POLE: variants seen among roughly 807,000 people sequenced by gnomAD.
POLE encodes the protein DNA polymerase epsilon catalytic subunit A.
A neutral mutation model predicts 279.2 loss-of-function variants in POLE; 188 were observed. That is an observed-to-expected ratio of 0.67 (90% CI 0.60 to 0.76). POLE has a LOEUF of 0.76. Among genes scored for constraint, POLE ranks in the 30% least tolerant of loss-of-function variants. POLE has a pLI of 0.00. For missense variants in POLE, 2,703 were observed against 3,016.7 expected, an observed-to-expected ratio of 0.90 and a Z score of 2.44; for synonymous variants, 1,214 against 1,172.5, an observed-to-expected ratio of 1.04 and a Z score of -0.72.
At chr12:132,648,866 A>G in intron 32 of POLE, 63 bp downstream of exon 32, 1 of 1,547,652 alleles carries the variant, frequency 6.5e-7, no homozygotes, top group Non-Finnish European at 8.8e-7. Flanking sequence ...GCCAGGCTAG[A>G]TCATGGGAAA....
chr12:132,680,367 G>T, intron 3 of POLE, 145 bp from the exon 4 acceptor site: 1 of 769,678 alleles, frequency 1.3e-6, no homozygotes, highest in Non-Finnish European at 2.2e-6. Flanking sequence ...AAGTCAGAAT[G>T]CGCACTTTTC....
intron 33 of POLE, 126 bp from the exon 34 acceptor site, chr12:132,643,686 T>C (rs2042208908): frequency 1.4e-6 from 2 of 1,480,796 alleles, no homozygotes; most frequent in Admixed American, 1.8e-5. Flanking sequence ...AAGGCCACTT[T>C]TGGCAGACAC....
Position 132,682,065 on chromosome 12 carries a change from G to A in POLE, c.63-786C>T, listed in dbSNP as rs1391395452. Among the ~76,000 whole-genome samples, 5 of 152,288 alleles carry A rather than the reference G, an allele frequency of 3.3e-5. No individual in the cohort carries two copies. The South Asian group carries it at 8.3e-4, about 25-fold the overall frequency. ...AATCCCAGCACCGTGGGAGGCCGAG[G>A]CGGGCGGATCACGAGGTGAGGAGAT... is the stretch of plus-strand genomic sequence containing the variant. On this transcript the variant is annotated intron_variant, in intron 1 of 48. Coordinates refer to ENST00000320574, the MANE Select transcript of POLE (RefSeq NM_006231.4).
In POLE at chr12:132,634,112, A is replaced by C; in HGVS notation, c.6004+74T>G. Reference sequence around the variant, plus strand: ...TCCCTGTCTCCCTTCTTGCGATACCATGGCACAGGAGCCACATCTACTAAC... The same window carrying C: ...TCCCTGTCTCCCTTCTTGCGATACCCTGGCACAGGAGCCACATCTACTAAC... On this transcript the variant is annotated intron_variant, in intron 43 of 48. Coordinates refer to ENST00000320574, the MANE Select transcript of POLE (RefSeq NM_006231.4). The surrounding 1 kb of genome is among the most constrained non-coding windows in gnomAD (Gnocchi z 4.0). The C allele has an allele frequency of 1.5e-6, 2 of 1,330,788 alleles. No homozygotes were observed. The highest frequency in any genetic ancestry group is 2.1e-6 in the Non-Finnish European group (2 of 956,212). The allele number at this position is 1,330,788 out of a possible 1,614,324, so 82.4% of individuals were successfully genotyped here. A position where few individuals can be genotyped will look rare whatever the true frequency, so the allele number is the denominator to read the frequency against.
intron 1 of POLE, among the ~76,000 whole-genome samples, chr12:132,682,118 C>T (rs1322421751): frequency 6.6e-6 from 1 of 151,988 alleles, no homozygotes; most frequent in African/African-American, 2.4e-5. Flanking sequence ...TACAGTGAAA[C>T]CCCGTCTTTA....
chr12:132,659,249 G>A (rs371730134), intron 26 of POLE, 46 bp downstream of exon 26: 114 of 1,586,940 alleles, frequency 7.2e-5, no homozygotes, highest in Admixed American at 3.2e-4. Context: ...TCACCTGTCC[G>A]TGATGGGAGG....
At position 132,675,918 on chromosome 12, in the gene POLE, G is replaced by A; in HGVS notation, c.1021-98C>T. 9.2e-7 allele frequency: 1 copy of A among 1,086,882 alleles called. No homozygotes were observed. The highest frequency in any genetic ancestry group is 2.4e-5 in the East Asian group (1 of 41,956). The allele number at this position is 1,086,882 out of a possible 1,614,324, so 67.3% of individuals were successfully genotyped here. On this transcript the variant is annotated intron_variant, in intron 10 of 48. Coordinates refer to ENST00000320574, the MANE Select transcript of POLE (RefSeq NM_006231.4). The surrounding 1 kb of genome is among the most constrained non-coding windows in gnomAD (Gnocchi z 4.3). ...GTTCAGAAGCAGCAGCCTCATGTTGGCCCTTATTCCTGCCCCGCCCCTCCG... is the reference window on the plus strand; with the variant it reads ...GTTCAGAAGCAGCAGCCTCATGTTGACCCTTATTCCTGCCCCGCCCCTCCG...
At position 132,681,344 on chromosome 12, in the gene POLE, T is replaced by C. The variant is rs868074900; in HGVS notation, c.63-65A>G. On this transcript the variant is annotated intron_variant, in intron 1 of 48. Coordinates refer to ENST00000320574, the MANE Select transcript of POLE (RefSeq NM_006231.4). ...CCACCTGCTGCTGCTTCTTTTTTTC[T>C]TTTTTTTCTTTTTTTTTGAGACGGA... 412 of 1,278,626 alleles carry C rather than the reference T, an allele frequency of 3.2e-4. 2 individuals are homozygous for C. In the Middle Eastern group the frequency reaches 5.8e-3, roughly 18 times the overall value. 79.2% of individuals were successfully genotyped at this position (1,278,626 alleles called of 1,614,324 possible). A position where few individuals can be genotyped will look rare whatever the true frequency, so the allele number is the denominator to read the frequency against.
At position 132,628,326 on chromosome 12, in the gene POLE, C is replaced by T. The variant is rs558857521; in HGVS notation, c.6331-2009G>A. Among the ~76,000 whole-genome samples, 16 of 149,776 alleles carry T rather than the reference C, an allele frequency of 1.1e-4. 1 individual carries two copies. The highest frequency in any genetic ancestry group is 2.4e-4 in the Non-Finnish European group (16 of 67,728). ...CTGCACTCCAGCCTGGGCGAGAGTG[C>T]GAGACTCCATCTTAAAAAAAAAACT... is the stretch of plus-strand genomic sequence containing the variant. On this transcript the variant is annotated intron_variant, in intron 45 of 48. Coordinates refer to ENST00000320574, the MANE Select transcript of POLE (RefSeq NM_006231.4).
rs1004476069 is a variant in POLE, at chr12:132,626,197, A to T, written c.6451T>A (p.Tyr2151Asn). 1.1e-5 allele frequency: 17 copies of T among 1,613,642 alleles called. No individual in the cohort carries two copies. Among genetic ancestry groups the T allele is most frequent in the Non-Finnish European group, 1.4e-5 (16 of 1,179,934 alleles). Residue 2151 changes from tyrosine (Y) to asparagine (N), a missense_variant, in exon 46 of 49, where the codon TAC becomes AAC. Physicochemically the swap from Tyr to Asn is moderately radical, Grantham distance 143. Around this residue, in one of 5 missense-constraint regions of POLE, gnomAD observed 1,551 missense variants for 1,686.1 expected, o/e 0.92. Transcript: ENST00000320574. ...EAQFRDPCRS[Y>N]VLPEVICRSC... ...CGGCAGATGACCTCAGGAAGCACGTAGGAGCGGCAGGGGTCTCGGAACTGG... is the reference window on the plus strand; with the variant it reads ...CGGCAGATGACCTCAGGAAGCACGTTGGAGCGGCAGGGGTCTCGGAACTGG...
rs1047375491 is a variant in POLE at position 132,676,723 on chromosome 12, C to G, written c.802-70G>C. On this transcript the variant is annotated intron_variant, in intron 8 of 48. Transcript: ENST00000320574. The stretch of plus-strand genomic sequence containing the variant: ...TTAGGCCTCCCTGAACACCCACCCC[C>G]AGCCTGCTCTACCTCCCTCTGGTTG... 12 of 940,280 alleles carry G rather than the reference C, an allele frequency of 1.3e-5. No homozygotes were observed. In the Admixed American group the frequency reaches 2.1e-4, roughly 16 times the overall value. The allele number at this position is 940,280 out of a possible 1,614,324, so 58.2% of individuals were successfully genotyped here. A position where few individuals can be genotyped will look rare whatever the true frequency, so the allele number is the denominator to read the frequency against.
rs149973644 is a variant in POLE at position 132,624,977 on chromosome 12, G to A, written c.6675C>T (p.Arg2225=). The change falls in exon 48 of 49, where the codon CGC becomes CGT. Residue 2225 remains arginine, a synonymous_variant. Transcript: ENST00000320574. ...CAGGCATGCTGGTCTCCTTCACCCC[G>A]CGGCACTTCAGGCAGACCTGAAAGG... ...TLQDLVCLKC[R]GVKETSMPVY... 3,387 of 1,613,792 alleles carry A rather than the reference G, an allele frequency of 2.1e-3. 6 individuals are homozygous for A. The highest frequency in any genetic ancestry group is 2.6e-3 in the Non-Finnish European group (3,084 of 1,179,886).
rs1593732744 is a variant in POLE at position 132,642,974 on chromosome 12, C to A, written c.4574G>T (p.Ser1525Ile). ...LDTVRSNQMP[S>I]LGALYSAEHG... ...CTCTGCTGAGTACAGGGCGCCAAGGCTGGGCATCTGGTTGCTGCGCACCTA... is the reference window on the plus strand; with the variant it reads ...CTCTGCTGAGTACAGGGCGCCAAGGATGGGCATCTGGTTGCTGCGCACCTA... Residue 1525 changes from serine to isoleucine, a missense_variant, in exon 36 of 49, where the codon AGC becomes ATC. Ser to Ile is a moderately radical substitution (Grantham distance 142, BLOSUM62 -2). Transcript: ENST00000320574. The A allele has an allele frequency of 6.3e-7, 1 of 1,594,462 alleles. No homozygotes were observed.
At position 132,679,635 on chromosome 12, in the gene POLE, C is replaced by T. The variant is rs377573501; in HGVS notation, c.440G>A (p.Gly147Asp). The change falls in exon 6 of 49, where the codon GGT becomes GAT. Residue 147 changes from glycine (G) to aspartate (D), a missense_variant. By Grantham distance (94) the Gly-to-Asp change is moderately conservative. Transcript: ENST00000320574. Reference protein sequence around the residue: ...EDLDLPNHLVGLKRNYIRLSF... With the variant: ...EDLDLPNHLVDLKRNYIRLSF... ...CAGCCTGATGTAATTTCGCTTCAAA[C>T]CCACCAAGTGATTTGGCTATAATGC... 6.2e-7 allele frequency: 1 copy of T among 1,610,788 alleles called. No individual in the cohort carries two copies. The highest frequency in any genetic ancestry group is 8.5e-7 in the Non-Finnish European group (1 of 1,177,238).
intron 29 of POLE, among the ~76,000 whole-genome samples, chr12:132,655,459 T>C (rs2138645262): frequency 6.6e-6 from 1 of 152,364 alleles, no homozygotes; most frequent in Non-Finnish European, 1.5e-5. Flanking sequence ...CAAGACTACA[T>C]TTGTTCACTA....
chr12:132,672,972 C>T, intron 14 of POLE, 133 bp from the exon 15 acceptor site: 2 of 862,316 alleles, frequency 2.3e-6, no homozygotes, highest in Non-Finnish European at 1.8e-6. Context: ...GCAAATTCTG[C>T]CTCCTGTGGT....
chr12:132,656,774 T>C (rs957634246), intron 29 of POLE, among the ~76,000 whole-genome samples: 2 of 152,238 alleles, frequency 1.3e-5, no homozygotes, highest in Admixed American at 1.3e-4. Context: ...GTACCTTTTA[T>C]TACACTGTGT....
At chr12:132,662,188 C>A (rs1259087207) in intron 23 of POLE, among the ~76,000 whole-genome samples, 1 of 152,236 alleles carries the variant, frequency 6.6e-6, no homozygotes, top group Admixed American at 6.5e-5. Flanking sequence ...ATGAGCCCAA[C>A]AGCACTGTGG....
chr12:132,667,389 C>T, intron 20 of POLE, 114 bp downstream of exon 20: 4 of 1,072,294 alleles, frequency 3.7e-6, no homozygotes, highest in East Asian at 2.4e-5. Context: ...CGTTACCATC[C>T]GAGTGCAAGT....
Sources: allele counts gnomAD v4.1 joint callset (sites outside exome capture counted in the v4.1 genomes callset), GRCh38; gene constraint gnomAD v4.1.1; regional missense constraint gnomAD v4.1.1; non-coding constraint Gnocchi (gnomAD v3.1); transcripts MANE v1.5; gene names NCBI Gene and HGNC (gene_info 2026-07-23, HGNC 2026-07-21).